Variants in CORIN observed in about 807,000 individuals in gnomAD.
The protein encoded by CORIN is corin, serine peptidase, also known as atrial natriuretic peptide-converting enzyme.
CORIN carries 117 observed loss-of-function variants against 125.3 expected under a neutral mutation model. The ratio of observed to expected loss-of-function variants is 0.93; its 90% CI spans 0.80 to 1.09. The LOEUF is 1.09. CORIN is among the 50% of genes least tolerant of loss of function. The pLI is 0.00. For missense variants in CORIN, 1,253 were observed against 1,306.7 expected, an observed-to-expected ratio of 0.96 and a Z score of 0.63; for synonymous variants, 450 against 466.4, an observed-to-expected ratio of 0.96 and a Z score of 0.45.
intron 13 of CORIN, among the ~76,000 whole-genome samples, chr4:47,649,273 C>G (rs930864300): frequency 6.6e-6 from 1 of 152,194 alleles, no homozygotes; most frequent in Non-Finnish European, 1.5e-5. Flanking sequence ...AACATCCAAC[C>G]CAAAACCAAC....
chr4:47,718,747 CCTAGTCAACA>C (rs1300311111), intron 5 of CORIN, among the ~76,000 whole-genome samples: 1 of 152,126 alleles, frequency 6.6e-6, no homozygotes, highest in Non-Finnish European at 1.5e-5. Context: ...TGGCCTGTTT[CCTAGTCAACA>C]CTACAGAGGA....
intron 5 of CORIN, among the ~76,000 whole-genome samples, chr4:47,699,512 AT>A (rs778771446): frequency 4.1e-4 from 62 of 152,294 alleles, no homozygotes; most frequent in Admixed American, 3.9e-4. Flanking sequence ...CTAGAATGCA[AT>A]TTCCTTGAAG....
chr4:47,606,309 G>A (rs1721642339), intron 19 of CORIN, among the ~76,000 whole-genome samples: 1 of 152,028 alleles, frequency 6.6e-6, no homozygotes, highest in Admixed American at 6.6e-5. Flanking sequence ...TTGGAGTGCA[G>A]TGGCATGATG....
At chr4:47,799,108 T>A (rs1003230486) in intron 2 of CORIN, among the ~76,000 whole-genome samples, 6 of 101,276 alleles carry the variant, frequency 5.9e-5, no homozygotes, top group South Asian at 3.9e-4. Context: ...TCCCATGGGG[T>A]GTGTGTGTGT....
chr4:47,732,570 T>A (rs1295058749), intron 5 of CORIN, among the ~76,000 whole-genome samples: 1 of 151,430 alleles, frequency 6.6e-6, no homozygotes, highest in Non-Finnish European at 1.5e-5. Flanking sequence ...CTACTCTTTT[T>A]TTTTTTTTTT....
At chr4:47,650,713 T>C (rs1056854519) in intron 13 of CORIN, among the ~76,000 whole-genome samples, 1 of 152,252 alleles carries the variant, frequency 6.6e-6, no homozygotes, top group Non-Finnish European at 1.5e-5. Flanking sequence ...TTGCTAGTTT[T>C]ACAGGCAGCT....
intron 5 of CORIN, among the ~76,000 whole-genome samples, chr4:47,733,939 G>A (rs1204452804): frequency 6.6e-6 from 1 of 152,184 alleles, no homozygotes; most frequent in African/African-American, 2.4e-5. Flanking sequence ...GGGAAAAGCA[G>A]CTGTTACAAG....
intron 5 of CORIN, among the ~76,000 whole-genome samples, chr4:47,704,856 G>A (rs566786450): frequency 6.6e-6 from 1 of 152,104 alleles, no homozygotes; most frequent in Non-Finnish European, 1.5e-5. Context: ...TTTTCCACTT[G>A]ACAAAAGGGT....
At chr4:47,704,888 C>A (rs1175500632) in intron 5 of CORIN, among the ~76,000 whole-genome samples, 2 of 152,060 alleles carry the variant, frequency 1.3e-5, no homozygotes, top group Non-Finnish European at 2.9e-5. Flanking sequence ...AGTTCCCAAG[C>A]CATATCACAC....
intron 1 of CORIN, among the ~76,000 whole-genome samples, chr4:47,818,865 T>C (rs1185645428): frequency 3.4e-5 from 5 of 145,686 alleles, no homozygotes; most frequent in Non-Finnish European, 7.5e-5. Flanking sequence ...AGAGAAAGAT[T>C]CTGTCAAAAA....
intron 1 of CORIN, among the ~76,000 whole-genome samples, chr4:47,812,505 C>T (rs2109961281): frequency 6.6e-6 from 1 of 151,694 alleles, no homozygotes; most frequent in Non-Finnish European, 1.5e-5. Flanking sequence ...ACCCTGGGTC[C>T]AATAAATAAA....
intron 4 of CORIN, among the ~76,000 whole-genome samples, chr4:47,757,026 T>C (rs1235092076): frequency 6.6e-6 from 1 of 152,220 alleles, no homozygotes; most frequent in East Asian, 1.9e-4. Flanking sequence ...TATTTTTAAA[T>C]TAAGTTTTAA....
chr4:47,837,476 G>C, intron 1 of CORIN: 1 of 289,178 alleles, frequency 3.5e-6, no homozygotes, highest in Non-Finnish European at 6.6e-6. Flanking sequence ...GGCTCCGACA[G>C]CTCCACCTGC....
intron 3 of CORIN, among the ~76,000 whole-genome samples, chr4:47,766,838 C>T (rs1729773170): frequency 6.7e-6 from 1 of 149,348 alleles, no homozygotes; most frequent in Admixed American, 6.7e-5. Context: ...CCCAGCTACT[C>T]GGGAGGCTGA....
intron 2 of CORIN, chr4:47,790,242 G>C (rs1001945607): frequency 1.7e-5 from 17 of 982,206 alleles, no homozygotes; most frequent in Non-Finnish European, 2.1e-5. Flanking sequence ...GCTGGCTGTG[G>C]TGAGACAGCC....
intron 7 of CORIN, chr4:47,681,067 T>C (rs1166122035): frequency 3.3e-5 from 5 of 152,184 alleles, no homozygotes; most frequent in Admixed American, 3.3e-4. Flanking sequence ...GCAGAATCCA[T>C]AGGATGCTTT....
At chr4:47,739,033 A>C (rs67927272) in intron 5 of CORIN, among the ~76,000 whole-genome samples, 14,736 of 151,870 alleles carry the variant, frequency 0.097, 838 homozygotes, top group East Asian at 0.27. Flanking sequence ...AACAGAAAGA[A>C]AAAAAAGAAG....
chr4:47,648,755 C>A (rs921397536), intron 13 of CORIN, among the ~76,000 whole-genome samples: 2 of 152,130 alleles, frequency 1.3e-5, no homozygotes, highest in Non-Finnish European at 2.9e-5. Flanking sequence ...GAGCCGCTCA[C>A]AAGGAGGAAG....
intron 4 of CORIN, among the ~76,000 whole-genome samples, chr4:47,761,343 A>G (rs1729446995): frequency 6.6e-6 from 1 of 152,176 alleles, no homozygotes; most frequent in Non-Finnish European, 1.5e-5. Context: ...AGGGTTGTTA[A>G]TTAGCCTAAT....
Sources: allele counts gnomAD v4.1 joint callset (sites outside exome capture counted in the v4.1 genomes callset), GRCh38; gene constraint gnomAD v4.1.1; transcripts MANE v1.5; gene names NCBI Gene and HGNC (gene_info 2026-07-23, HGNC 2026-07-21).